The following CSMD3 variants were observed in gnomAD, a reference collection of about 807,000 sequenced individuals.
CSMD3 encodes the protein CUB and Sushi multiple domains 3.
In CSMD3, 177 loss-of-function variants were observed where a neutral mutation model predicts 435.2. The ratio of observed to expected loss-of-function variants is 0.41; its 90% CI spans 0.36 to 0.46. The LOEUF is 0.46. Ranked by LOEUF, CSMD3 falls within the 20% of genes least tolerant of loss-of-function variation. The probability of loss-of-function intolerance (pLI) is 0.34; values close to 1 mark genes in which losing one functional copy is unlikely to be tolerated. For missense variants in CSMD3, 4,265 were observed against 4,504.6 expected (o/e 0.95, Z 1.52); for synonymous variants, 1,656 against 1,520.5 (o/e 1.09, Z -2.07).
chr8:112,534,865 G>T (rs959293699), intron 27 of CSMD3, among the ~76,000 whole-genome samples: 1 of 152,252 alleles, frequency 6.6e-6, no homozygotes, highest in Non-Finnish European at 1.5e-5. Flanking sequence ...GGGATGCAAG[G>T]CTGGTTCAAT....
chr8:112,896,523 C>T (rs1396257279), intron 10 of CSMD3, among the ~76,000 whole-genome samples: 1 of 150,962 alleles, frequency 6.6e-6, no homozygotes, highest in African/African-American at 2.4e-5. Flanking sequence ...ACCAAATTTT[C>T]TTTTACCCAG....
chr8:113,127,369 C>T (rs1341317097), intron 4 of CSMD3, among the ~76,000 whole-genome samples: 1 of 152,016 alleles, frequency 6.6e-6, no homozygotes, highest in African/African-American at 2.4e-5. Flanking sequence ...ATTATGCATT[C>T]CTTCATTTAA....
chr8:112,736,884 C>G (rs1215715541), intron 13 of CSMD3, among the ~76,000 whole-genome samples: 2 of 151,946 alleles, frequency 1.3e-5, no homozygotes, highest in African/African-American at 4.8e-5. Context: ...ACTGCCCTGA[C>G]AGAAATTAGA....
Position 112,255,275 on chromosome 8 carries a change from C to A in CSMD3, c.10015G>T (p.Gly3339Cys). 6.2e-7 allele frequency: 1 copy of A among 1,613,348 alleles called. No individual in the cohort carries two copies. The highest frequency in any genetic ancestry group is 8.5e-7 in the Non-Finnish European group (1 of 1,179,574). The part of the protein sequence containing the change: ...RICQADGTWS[G>C]SSPHCIEPTQ... ...TTACCTATGCAGTGAGGTGATGAAC[C>A]ACTCCAAGTGCCATCTGCTTGACAT... The change falls in exon 62 of 71, where the codon GGT (glycine) becomes TGT (cysteine). Residue 3339 changes from glycine (G) to cysteine (C), a missense_variant. Coordinates refer to ENST00000297405, the MANE Select transcript of CSMD3 (RefSeq NM_198123.2).
intron 2 of CSMD3, among the ~76,000 whole-genome samples, chr8:113,299,941 G>A (rs1484068735): frequency 2.0e-5 from 3 of 151,170 alleles, no homozygotes; most frequent in Non-Finnish European, 4.4e-5. Context: ...GCAGTGAGCC[G>A]ACATCACGCC....
chr8:113,338,110 TAAAC>T (rs1485597292), intron 1 of CSMD3, among the ~76,000 whole-genome samples: 1 of 151,578 alleles, frequency 6.6e-6, no homozygotes, highest in African/African-American at 2.4e-5. Flanking sequence ...CAAAATGAAA[TAAAC>T]AAGCCAAGCA....
intron 28 of CSMD3, among the ~76,000 whole-genome samples, chr8:112,507,707 G>A (rs1384264486): frequency 6.6e-6 from 1 of 152,172 alleles, no homozygotes; most frequent in Non-Finnish European, 1.5e-5. Context: ...GTAAGGAAGA[G>A]AATTTTGATT....
chr8:112,228,025 G>C (rs1333955879), intron 70 of CSMD3, among the ~76,000 whole-genome samples: 1 of 152,080 alleles, frequency 6.6e-6, no homozygotes, highest in Non-Finnish European at 1.5e-5. Flanking sequence ...CTGAGCGACA[G>C]AGCAAGACTC....
In CSMD3 at chr8:112,556,901, T is replaced by A. The variant is rs779771763; in HGVS notation, c.4096A>T (p.Ile1366Phe). ...CCAGCAAAGTGGCCTTGGTCACTGA[T>A]CTTGTATCCAAATTGTGGAATGCCA... ...DPGIPQFGYK[I>F]SDQGHFAGST... Residue 1366 changes from isoleucine (I) to phenylalanine (F), a missense_variant, in exon 25 of 71, where the codon ATC becomes TTC. Coordinates refer to ENST00000297405, the MANE Select transcript of CSMD3 (RefSeq NM_198123.2). 1.9e-6 allele frequency: 3 copies of A among 1,611,942 alleles called. No homozygotes were observed.
At chr8:113,265,995 C>G (rs952683974) in intron 3 of CSMD3, among the ~76,000 whole-genome samples, 1 of 151,268 alleles carries the variant, frequency 6.6e-6, no homozygotes, top group Non-Finnish European at 1.5e-5. Flanking sequence ...ATGAACCTAA[C>G]CTAAATTTAT....
intron 9 of CSMD3, among the ~76,000 whole-genome samples, chr8:112,941,412 G>A (rs1165705240): frequency 2.0e-5 from 3 of 151,774 alleles, no homozygotes; most frequent in African/African-American, 7.2e-5. Flanking sequence ...AGATGTTATG[G>A]ATGGAAACTG....
intron 1 of CSMD3, among the ~76,000 whole-genome samples, chr8:113,428,967 A>G (rs1163738878): frequency 6.6e-6 from 1 of 151,846 alleles, no homozygotes; most frequent in Non-Finnish European, 1.5e-5. Flanking sequence ...AATTGCTAAC[A>G]TCAAGCAAAG....
At chr8:112,995,630 T>C (rs1292233639) in intron 6 of CSMD3, among the ~76,000 whole-genome samples, 1 of 151,376 alleles carries the variant, frequency 6.6e-6, no homozygotes, top group African/African-American at 2.4e-5. Flanking sequence ...GTTCCTTAAA[T>C]AAATATTTTA....
chr8:112,249,817 C>T (rs1326737435), intron 63 of CSMD3, among the ~76,000 whole-genome samples: 5 of 152,132 alleles, frequency 3.3e-5, no homozygotes, highest in African/African-American at 1.2e-4. Context: ...CTAGCTCTTA[C>T]ACTAAAAGAA....
At chr8:112,436,459 CAG>C (rs1472984272) in intron 32 of CSMD3, among the ~76,000 whole-genome samples, 1 of 151,674 alleles carries the variant, frequency 6.6e-6, no homozygotes, top group East Asian at 1.9e-4. Flanking sequence ...AATCATAAAA[CAG>C]AAAAATATTG....
rs558883515 is a variant in CSMD3 at position 113,010,591 on chromosome 8, T to C, written c.1030+8476A>G. Among the ~76,000 whole-genome samples, 5 of 151,896 alleles carry C rather than the reference T, an allele frequency of 3.3e-5. 1 individual carries two copies. In the South Asian group the frequency reaches 1.0e-3, roughly 32 times the overall value. On this transcript the variant is annotated intron_variant, in intron 6 of 70. Coordinates refer to ENST00000297405, the MANE Select transcript of CSMD3 (RefSeq NM_198123.2). Reference sequence around the variant, plus strand: ...TTATTGTAGTTGGTACATTTAAAGATAGTAATTGAAATAAAAATCATTAAG... The same window carrying C: ...TTATTGTAGTTGGTACATTTAAAGACAGTAATTGAAATAAAAATCATTAAG...
intron 1 of CSMD3, among the ~76,000 whole-genome samples, chr8:113,346,855 T>C (rs2094155095): frequency 6.6e-6 from 1 of 152,162 alleles, no homozygotes; most frequent in Non-Finnish European, 1.5e-5. Context: ...TTATAGAGAA[T>C]ATACAGATTT....
At position 113,118,877 on chromosome 8, in the gene CSMD3, G is replaced by A. The variant is rs574685188; in HGVS notation, c.710-19914C>T. ...GGGGATTGAGAAGGCACTCTCAGTC[G>A]CATAGATTTCATTTCGCTCTTGCTA... On this transcript the variant is annotated intron_variant, in intron 4 of 70. Coordinates refer to ENST00000297405, the MANE Select transcript of CSMD3 (RefSeq NM_198123.2). Among the ~76,000 whole-genome samples, 7 of 152,186 alleles carry A rather than the reference G, an allele frequency of 4.6e-5. No individual in the cohort carries two copies. The South Asian group carries it at 1.0e-3, about 23-fold the overall frequency.
intron 22 of CSMD3, among the ~76,000 whole-genome samples, chr8:112,609,366 C>A (rs528300584): frequency 7.2e-5 from 11 of 152,070 alleles, no homozygotes; most frequent in African/African-American, 2.4e-4. Flanking sequence ...TTTCAGTAGA[C>A]ATGTCTCCAA....
Sources: gnomAD v4.1 joint callset for allele counts (sites outside exome capture counted in the v4.1 genomes callset) on GRCh38, gnomAD v4.1.1 for gene constraint, MANE v1.5 for transcripts, NCBI Gene and HGNC (gene_info 2026-07-23, HGNC 2026-07-21) for gene names.